Variants in PCDHA9 observed in about 807,000 individuals in gnomAD.
PCDHA9 encodes the protein protocadherin alpha 9, also known as protocadherin alpha-9.
Under a neutral mutation model 62.0 loss-of-function variants are expected in PCDHA9, and 62 were observed. The observed-to-expected ratio is 1.00, with a 90% CI of 0.81 to 1.23. PCDHA9 has a LOEUF of 1.23. Among genes scored for constraint, PCDHA9 ranks in the 50% most tolerant of loss-of-function variants. The probability of loss-of-function intolerance (pLI) is 0.00; values close to 1 mark genes in which losing one functional copy is unlikely to be tolerated. For synonymous variants in PCDHA9, 557 were observed against 567.6 expected (o/e 0.98, Z 0.27); for missense variants, 1,205 against 1,249.8 (o/e 0.96, Z 0.54).
At chr5:140,966,642 G>C (rs897727830) in intron 1 of PCDHA9, 15 of 1,117,790 alleles carry the variant, frequency 1.3e-5, no homozygotes, top group Non-Finnish European at 1.8e-5. Context: ...GCGCTTTCTA[G>C]AGCGTGAGCG....
In PCDHA9 at chr5:141,010,049, C is replaced by G. The variant is rs1554262651; in HGVS notation, c.*112C>G. 7 of 1,597,692 alleles carry G rather than the reference C, an allele frequency of 4.4e-6. No individual in the cohort carries two copies. The highest frequency in any genetic ancestry group is 1.3e-5 in the African/African-American group (1 of 74,172). On this transcript the variant is annotated 3_prime_UTR_variant, in exon 4 of 4. Coordinates refer to ENST00000532602, the MANE Select transcript of PCDHA9 (RefSeq NM_031857.2). ...TATCTACATGAGCCCTCTTAGAGAC[C>G]TCAGAAATCTGCAGAAAGTTCCCTG...
chr5:140,954,843 G>T (rs1011520662), intron 1 of PCDHA9, among the ~76,000 whole-genome samples: 4 of 152,058 alleles, frequency 2.6e-5, no homozygotes, highest in African/African-American at 9.7e-5. Flanking sequence ...TGAAATCTTT[G>T]CCTGTGCCTA....
chr5:140,921,377 T>C (rs1368330420), intron 1 of PCDHA9, among the ~76,000 whole-genome samples: 2 of 152,172 alleles, frequency 1.3e-5, no homozygotes, highest in Non-Finnish European at 2.9e-5. Flanking sequence ...TATTTCTACA[T>C]ATTTGATAAA....
chr5:140,889,080 A>G (rs2062092798), intron 1 of PCDHA9, among the ~76,000 whole-genome samples: 1 of 151,888 alleles, frequency 6.6e-6, no homozygotes, highest in Non-Finnish European at 1.5e-5. Flanking sequence ...ATTTTGTTAA[A>G]TTTTCAAAAC....
intron 1 of PCDHA9, chr5:140,870,020 C>CT (rs2051592109): frequency 6.2e-7 from 1 of 1,613,394 alleles, no homozygotes; most frequent in Admixed American, 1.7e-5. Context: ...GTCAATGGAA[C>CT]TTTAGATTAT....
chr5:140,869,488 A>C, intron 1 of PCDHA9: 1 of 1,614,132 alleles, frequency 6.2e-7, no homozygotes. Context: ...CATTAACGAC[A>C]ACCCGCCGGT....
intron 3 of PCDHA9, among the ~76,000 whole-genome samples, chr5:140,997,328 G>A (rs76646758): frequency 0.013 from 1,948 of 152,070 alleles, 47 homozygotes; most frequent in African/African-American, 0.045. Flanking sequence ...CAGTTTTTTC[G>A]TTGTACAAAT....
intron 1 of PCDHA9, among the ~76,000 whole-genome samples, chr5:140,906,351 C>A (rs966982758): frequency 3.9e-5 from 6 of 152,128 alleles, no homozygotes; most frequent in Non-Finnish European, 5.9e-5. Context: ...CAAGAATGCA[C>A]CAATTCCCAA....
chr5:140,966,490 T>C lies in PCDHA9; in HGVS notation c.2395-12459T>C, dbSNP rs533525977. 6.2e-5 allele frequency: 27 copies of C among 438,082 alleles called. No individual in the cohort carries two copies. In the Admixed American group the frequency reaches 1.1e-3, roughly 18 times the overall value. The allele number at this position is 438,082 out of a possible 1,614,324, so 27.1% of individuals were successfully genotyped here. On this transcript the variant is annotated intron_variant, in intron 1 of 3. Coordinates refer to ENST00000532602, the MANE Select transcript of PCDHA9 (RefSeq NM_031857.2). ...CCTTCTGTTTCCTTTTCCCTCCCCC[T>C]GGAGCTGTAGCGGCAGCAGCAGCAG... is the stretch of plus-strand genomic sequence containing the variant.
chr5:140,929,428 G>A, intron 1 of PCDHA9: 1 of 1,491,484 alleles, frequency 6.7e-7, no homozygotes. Flanking sequence ...TTCATCAATT[G>A]AACTAAACAC....
At chr5:140,877,067 A>C in intron 1 of PCDHA9, 4 of 1,613,082 alleles carry the variant, frequency 2.5e-6, no homozygotes, top group Non-Finnish European at 3.4e-6. Context: ...GAGCTGCTGC[A>C]GTTCCAGGTG....
At chr5:140,985,290 A>G (rs1471502675) in intron 3 of PCDHA9, among the ~76,000 whole-genome samples, 1 of 152,108 alleles carries the variant, frequency 6.6e-6, no homozygotes, top group Non-Finnish European at 1.5e-5. Flanking sequence ...TCTATGATAT[A>G]GTGTTGGCTG....
intron 1 of PCDHA9, chr5:140,881,278 T>G: frequency 5.4e-6 from 4 of 743,002 alleles, no homozygotes; most frequent in Non-Finnish European, 6.6e-6. Flanking sequence ...TGAAGTAAGA[T>G]GGAGAGAGAA....
At chr5:140,878,451 T>A (rs2057595888) in intron 1 of PCDHA9, among the ~76,000 whole-genome samples, 1 of 152,250 alleles carries the variant, frequency 6.6e-6, no homozygotes, top group Non-Finnish European at 1.5e-5. Context: ...CTTATTTACA[T>A]GAAATATAAT....
At chr5:140,962,438 G>A (rs1375451859) in intron 1 of PCDHA9, among the ~76,000 whole-genome samples, 3 of 152,108 alleles carry the variant, frequency 2.0e-5, no homozygotes, top group Non-Finnish European at 2.9e-5. Context: ...CTTATCCAAA[G>A]ATGGCTTGAA....
chr5:140,919,957 G>GC (rs2079372992), intron 1 of PCDHA9, among the ~76,000 whole-genome samples: 1 of 148,640 alleles, frequency 6.7e-6, no homozygotes, highest in Non-Finnish European at 1.5e-5. Flanking sequence ...AGTTTGTTTT[G>GC]TTTTTTAAAT....
chr5:140,966,234 C>T (rs77272068), intron 1 of PCDHA9: 2,919 of 290,608 alleles, frequency 0.01, 77 homozygotes, highest in African/African-American at 0.056. Context: ...CTTAAAGACC[C>T]GTTAAGCAGG....
chr5:140,853,135 T>C, intron 1 of PCDHA9: 2 of 687,812 alleles, frequency 2.9e-6, no homozygotes, highest in Non-Finnish European at 3.7e-6. Context: ...CGCCTCAGCC[T>C]CCCAAAATGC....
intron 3 of PCDHA9, 149 bp downstream of exon 3, chr5:140,982,712 T>C: frequency 7.3e-7 from 1 of 1,373,964 alleles, no homozygotes; most frequent in Non-Finnish European, 9.6e-7. Context: ...TCCTTACATA[T>C]ATGATTATTT....
Sources: gnomAD v4.1 joint callset for allele counts (sites outside exome capture counted in the v4.1 genomes callset) on GRCh38, gnomAD v4.1.1 for gene constraint, MANE v1.5 for transcripts, NCBI Gene and HGNC (gene_info 2026-07-23, HGNC 2026-07-21) for gene names.